Variants in KALRN observed in about 807,000 individuals in gnomAD.
KALRN encodes the protein kalirin RhoGEF kinase.
KALRN carries 70 observed loss-of-function variants against 353.7 expected under a neutral mutation model. That is an observed-to-expected ratio of 0.20 (90% CI 0.16 to 0.24). KALRN has a LOEUF of 0.24. KALRN is among the 10% of genes least tolerant of loss of function. The pLI is 1.00. For missense variants in KALRN, 2,791 were observed against 3,756.7 expected, an observed-to-expected ratio of 0.74 and a Z score of 6.72; for synonymous variants, 1,391 against 1,434.8, an observed-to-expected ratio of 0.97 and a Z score of 0.69.
chr3:124,444,066 A>C (rs527486734), intron 19 of KALRN, among the ~76,000 whole-genome samples: 1 of 152,348 alleles, frequency 6.6e-6, no homozygotes. Context: ...CTGCATAACA[A>C]CCAAGAAATT....
intron 1 of KALRN, among the ~76,000 whole-genome samples, chr3:124,147,578 A>G (rs1005213033): frequency 6.6e-6 from 1 of 152,230 alleles, no homozygotes; most frequent in Non-Finnish European, 1.5e-5. Flanking sequence ...GCAAAGAAAC[A>G]TACATGGAAG....
chr3:124,709,206 C>T (rs1320311466), intron 57 of KALRN, among the ~76,000 whole-genome samples: 2 of 152,004 alleles, frequency 1.3e-5, no homozygotes, highest in Non-Finnish European at 2.9e-5. Context: ...ATTGAAATTA[C>T]AAAACAAGAG....
chr3:124,258,778 T>C (rs1299349820), intron 3 of KALRN, among the ~76,000 whole-genome samples: 2 of 152,226 alleles, frequency 1.3e-5, no homozygotes, highest in Non-Finnish European at 2.9e-5. Context: ...ATGTATGAAA[T>C]ATACAATTGG....
chr3:124,180,238 TG>T (rs1297488707), intron 1 of KALRN, among the ~76,000 whole-genome samples: 2 of 152,076 alleles, frequency 1.3e-5, no homozygotes, highest in Non-Finnish European at 2.9e-5. Context: ...TTGGCACGAG[TG>T]CCTGGTTTTT....
chr3:124,168,199 A>G (rs889885284), intron 1 of KALRN, among the ~76,000 whole-genome samples: 4 of 152,230 alleles, frequency 2.6e-5, no homozygotes, highest in Non-Finnish European at 4.4e-5. Flanking sequence ...ATAAGAGAAG[A>G]TGAAATGATA....
intron 47 of KALRN, 67 bp from the exon 48 acceptor site, chr3:124,671,593 C>G: frequency 1.8e-6 from 2 of 1,118,248 alleles, no homozygotes; most frequent in Admixed American, 1.8e-5. Context: ...AGCCTTGGAC[C>G]TAAGAGGCCT....
At chr3:124,055,518 A>C (rs976520348) in intron 1 of KALRN, among the ~76,000 whole-genome samples, 1 of 152,154 alleles carries the variant, frequency 6.6e-6, no homozygotes, top group African/African-American at 2.4e-5. Flanking sequence ...TCATTCTCTG[A>C]GACATATTTT....
intron 37 of KALRN, among the ~76,000 whole-genome samples, chr3:124,649,513 C>G (rs1209637968): frequency 6.6e-6 from 1 of 152,166 alleles, no homozygotes; most frequent in Non-Finnish European, 1.5e-5. Context: ...CTGTCTCACA[C>G]CTGTAATCCC....
At chr3:124,563,202 T>A (rs2072276463) in intron 34 of KALRN, 113 bp downstream of exon 34, 6 of 1,164,990 alleles carry the variant, frequency 5.2e-6, no homozygotes, top group Non-Finnish European at 6.8e-6. Context: ...ATTTTTACCC[T>A]GTGGGGTTTC....
At chr3:124,405,410 G>T (rs1392394095) in intron 13 of KALRN, among the ~76,000 whole-genome samples, 9 of 152,132 alleles carry the variant, frequency 5.9e-5, no homozygotes, top group Non-Finnish European at 1.2e-4. Context: ...AGCTTACACA[G>T]GGGGAGAAAA....
chr3:124,503,828 T>C lies in KALRN; in HGVS notation c.4935+7415T>C, dbSNP rs1014107877. Among the ~76,000 whole-genome samples, 10 of 152,240 alleles carry C rather than the reference T, an allele frequency of 6.6e-5. No homozygotes were observed. The East Asian group carries it at 1.5e-3, about 23-fold the overall frequency. On this transcript the variant is annotated intron_variant, in intron 33 of 59. Coordinates refer to ENST00000682506, the MANE Select transcript of KALRN (RefSeq NM_001388419.1). ...CCAGCTGTTGCATACCACCAAAGGG[T>C]ATGAAATATACTTTGCTGAAAAATA...
chr3:124,566,244 T>C (rs2109962491), intron 34 of KALRN, among the ~76,000 whole-genome samples: 1 of 152,294 alleles, frequency 6.6e-6, no homozygotes, highest in East Asian at 1.9e-4. Context: ...CTCACTCCTG[T>C]AATCCCAGCA....
intron 9 of KALRN, among the ~76,000 whole-genome samples, chr3:124,338,687 T>G (rs972149796): frequency 6.6e-6 from 1 of 152,208 alleles, no homozygotes; most frequent in East Asian, 1.9e-4. Context: ...GTCATGGATA[T>G]CCTTGTTAAT....
chr3:124,626,792 A>G (rs2080007878), intron 34 of KALRN, among the ~76,000 whole-genome samples: 1 of 152,230 alleles, frequency 6.6e-6, no homozygotes, highest in African/African-American at 2.4e-5. Context: ...AATGGTAAAG[A>G]TGAAAGGAAC....
intron 33 of KALRN, among the ~76,000 whole-genome samples, chr3:124,510,494 T>A (rs1279684740): frequency 6.6e-6 from 1 of 151,866 alleles, no homozygotes; most frequent in East Asian, 1.9e-4. Flanking sequence ...TTAGACTTTA[T>A]TGAGTAGCAC....
chr3:124,555,669 G>A (rs1377695865), intron 33 of KALRN, among the ~76,000 whole-genome samples: 1 of 152,142 alleles, frequency 6.6e-6, no homozygotes, highest in South Asian at 2.1e-4. Context: ...TAGGTGGGCA[G>A]CCAATGGGAG....
intron 1 of KALRN, among the ~76,000 whole-genome samples, chr3:124,078,374 T>C (rs1047012464): frequency 6.6e-6 from 1 of 152,198 alleles, no homozygotes; most frequent in Non-Finnish European, 1.5e-5. Flanking sequence ...AATTAGTTAA[T>C]TGATAATGTA....
At position 124,479,716 on chromosome 3, in the gene KALRN, ATTTTTTTTT is replaced by A. The variant is rs142639039; in HGVS notation, c.4191+2399_4191+2407del. ...GGCTTACACATTCACACGATCCAGAATTTTTTTTTTTTTTTTTTTTTTTTTGAGACGGAG... is the reference window on the plus strand; with the variant it reads ...GGCTTACACATTCACACGATCCAGAATTTTTTTTTTTTTTTTGAGACGGAG... On this transcript the variant is annotated intron_variant, in intron 27 of 59. Transcript: ENST00000682506. 7.7e-3 allele frequency among the ~76,000 whole-genome samples: 668 copies of A among 86,842 alleles called. 1 individual carries two copies. Among genetic ancestry groups the A allele is most frequent in the African/African-American group, 0.014 (340 of 23,910 alleles). 57.0% of individuals were successfully genotyped at this position (86,842 alleles called of 152,430 possible).
At chr3:124,599,221 A>G (rs1192552262) in intron 34 of KALRN, among the ~76,000 whole-genome samples, 1 of 152,214 alleles carries the variant, frequency 6.6e-6, no homozygotes, top group African/African-American at 2.4e-5. Flanking sequence ...AAGGTAGGGA[A>G]GTAGAGTAAA....
Sources: gnomAD v4.1 joint callset for allele counts (sites outside exome capture counted in the v4.1 genomes callset) on GRCh38, gnomAD v4.1.1 for gene constraint, MANE v1.5 for transcripts, NCBI Gene and HGNC (gene_info 2026-07-23, HGNC 2026-07-21) for gene names.